Variants in PRMT2 observed in about 807,000 individuals in gnomAD.
The protein encoded by PRMT2 is protein arginine N-methyltransferase 2.
In PRMT2, 26 loss-of-function variants were observed where a neutral mutation model predicts 57.6. The ratio of observed to expected loss-of-function variants is 0.45; its 90% CI spans 0.33 to 0.63. The LOEUF is 0.63. PRMT2 is among the 20% of genes least tolerant of loss of function. The pLI is 0.02. For synonymous variants in PRMT2, 219 were observed against 220.0 expected, an observed-to-expected ratio of 1.00 and a Z score of 0.04; for missense variants, 472 against 564.4, an observed-to-expected ratio of 0.84 and a Z score of 1.66.
In PRMT2 at chr21:46,664,429, G is replaced by C; in HGVS notation, c.*102G>C. 2.1e-6 allele frequency: 3 copies of C among 1,440,788 alleles called. No individual in the cohort carries two copies. The highest frequency in any genetic ancestry group is 2.9e-6 in the Non-Finnish European group (3 of 1,028,120). 89.3% of individuals were successfully genotyped at this position (1,440,788 alleles called of 1,614,324 possible). A position where few individuals can be genotyped will look rare whatever the true frequency, so the allele number is the denominator to read the frequency against. ...CTTCTGCACACTCCTGCGAAAGTCGGTGAACATTCACTCCACATTGACCCC... is the reference window on the plus strand; with the variant it reads ...CTTCTGCACACTCCTGCGAAAGTCGCTGAACATTCACTCCACATTGACCCC... On this transcript the variant is annotated 3_prime_UTR_variant, in exon 12 of 12. Coordinates refer to ENST00000355680, the MANE Select transcript of PRMT2 (RefSeq NM_206962.4).
intron 7 of PRMT2, chr21:46,654,165 G>T: frequency 1.0e-6 from 1 of 978,016 alleles, no homozygotes; most frequent in Non-Finnish European, 1.2e-6. Flanking sequence ...AATCAAATTT[G>T]TACAGAAATT....
intron 3 of PRMT2, among the ~76,000 whole-genome samples, chr21:46,638,567 C>T (rs984995521): frequency 3.3e-5 from 5 of 152,196 alleles, no homozygotes; most frequent in African/African-American, 4.8e-5. Context: ...AATGACTTTA[C>T]GAGTTCACAG....
In PRMT2 at chr21:46,649,714, C is replaced by T; in HGVS notation, c.629C>T (p.Ser210Phe). The T allele has an allele frequency of 2.5e-6, 4 of 1,613,742 alleles. No individual in the cohort carries two copies. The highest frequency in any genetic ancestry group is 3.4e-6 in the Non-Finnish European group (4 of 1,179,924). The change falls in exon 7 of 12, where the codon TCT becomes TTT. Residue 210 changes from serine (S) to phenylalanine (F), a missense_variant. Physicochemically the swap from Ser to Phe is radical, Grantham distance 155 (BLOSUM62 -2). Coordinates refer to ENST00000355680, the MANE Select transcript of PRMT2 (RefSeq NM_206962.4). The surrounding 1 kb of genome is among the most constrained non-coding windows in gnomAD (Gnocchi z 4.8). ...VLPEKVDVLV[S>F]EWMGTCLLFE... ...CCCGAGAAGGTGGACGTGCTGGTGTCTGAGTGGATGGGGACCTGCCTGCTG... is the reference window on the plus strand; with the variant it reads ...CCCGAGAAGGTGGACGTGCTGGTGTTTGAGTGGATGGGGACCTGCCTGCTG...
At chr21:46,651,453 C>T (rs1029225058) in intron 7 of PRMT2, among the ~76,000 whole-genome samples, 4 of 151,630 alleles carry the variant, frequency 2.6e-5, no homozygotes, top group African/African-American at 9.7e-5. Context: ...CCTGGGGTCT[C>T]GGTGGGCGAT....
At chr21:46,660,665 A>G (rs1424528963) in intron 8 of PRMT2, among the ~76,000 whole-genome samples, 168 bp from the exon 9 acceptor site, 2 of 152,128 alleles carry the variant, frequency 1.3e-5, no homozygotes, top group African/African-American at 4.8e-5. Context: ...GGAGGCACCC[A>G]GGGCCTGTGG....
intron 3 of PRMT2, among the ~76,000 whole-genome samples, chr21:46,639,935 TTC>T (rs2061242426): frequency 6.6e-6 from 1 of 152,204 alleles, no homozygotes; most frequent in Non-Finnish European, 1.5e-5. Flanking sequence ...TTTGTCACAT[TTC>T]TTTTTCCTGC....
At chr21:46,659,970 A>G in intron 8 of PRMT2, 1 of 983,664 alleles carries the variant, frequency 1.0e-6, no homozygotes, top group Non-Finnish European at 1.2e-6. Flanking sequence ...TTATATAAAT[A>G]TGTCTGGGGG....
Position 46,644,300 on chromosome 21 carries a change from T to C in PRMT2, c.145-6T>C, listed in dbSNP as rs753597694. On this transcript the variant is annotated splice_polypyrimidine_tract_variant and splice_region_variant and intron_variant, in intron 4 of 11. Transcript: ENST00000355680. ...TCTTATTGAATTTTAACTTTTTTTT[T>C]TCCAGCTCAGTTTTTTGAGAGGAGA... The C allele has an allele frequency of 1.2e-6, 2 of 1,600,948 alleles. No individual in the cohort carries two copies. Among genetic ancestry groups the C allele is most frequent in the African/African-American group, 2.7e-5 (2 of 73,852 alleles).
intron 11 of PRMT2, 70 bp from the exon 12 acceptor site, chr21:46,664,225 A>G (rs2061670914): frequency 3.0e-6 from 4 of 1,346,468 alleles, no homozygotes; most frequent in East Asian, 2.3e-5. Context: ...ATATTAAACC[A>G]TTAGGAAATG....
intron 7 of PRMT2, among the ~76,000 whole-genome samples, chr21:46,650,584 G>A (rs934923117): frequency 5.3e-5 from 8 of 152,172 alleles, no homozygotes; most frequent in Admixed American, 3.3e-4. Context: ...CAGGAGAAAC[G>A]GGCTCCACTC....
rs2061401938 is a variant in PRMT2, at chr21:46,648,649, G to A, written c.489+30G>A. 1 of 1,604,214 alleles carries A rather than the reference G, an allele frequency of 6.2e-7. No individual in the cohort carries two copies. Among genetic ancestry groups the A allele is most frequent in the Non-Finnish European group, 8.5e-7 (1 of 1,172,320 alleles). On this transcript the variant is annotated intron_variant, in intron 6 of 11. Transcript: ENST00000355680. This position sits in a 1 kb window ranked among gnomAD's most constrained non-coding sequence, Gnocchi z 4.8. ...GTGGGGTCTCGAGCGCATCCCGGGT[G>A]TTTGTGCCGAGGCTGGTGACGTCCG...
chr21:46,647,749 G>T (rs144153324), intron 5 of PRMT2, among the ~76,000 whole-genome samples: 2 of 152,102 alleles, frequency 1.3e-5, no homozygotes, highest in Non-Finnish European at 2.9e-5. Flanking sequence ...GTAAAATTCC[G>T]CCCTAATGTA....
At chr21:46,651,953 A>C (rs2061464417) in intron 7 of PRMT2, 12 of 1,613,014 alleles carry the variant, frequency 7.4e-6, no homozygotes, top group Non-Finnish European at 1.0e-5. Context: ...GCCTGTTCTC[A>C]GAGCCCCTCA....
chr21:46,652,884 CGAT>C (rs754787198), intron 7 of PRMT2: 8 of 1,302,626 alleles, frequency 6.1e-6, no homozygotes, highest in African/African-American at 1.5e-5. Context: ...GGCCACGCCA[CGAT>C]TTCCGAGAAG....
chr21:46,654,840 A>G, intron 7 of PRMT2: 7 of 954,244 alleles, frequency 7.3e-6, no homozygotes, highest in Non-Finnish European at 8.7e-6. Context: ...TCCTGGAACA[A>G]GTTCCCCATA....
Position 46,648,266 on chromosome 21 carries a change from G to C in PRMT2, c.328-192G>C, listed in dbSNP as rs2061394864. The C allele has an allele frequency of 7.2e-6, 4 of 557,328 alleles. No homozygotes were observed. In the Admixed American group the frequency reaches 9.0e-5, roughly 13 times the overall value. The allele number at this position is 557,328 out of a possible 1,614,324, so 34.5% of individuals were successfully genotyped here. The stretch of plus-strand genomic sequence containing the variant: ...TTTTGTGTATTATTACTGTTATAAG[G>C]GGGTGGGTGAAGTGTTCTCTAAATA... On this transcript the variant is annotated intron_variant, in intron 5 of 11. Transcript: ENST00000355680. The surrounding 1 kb of genome is among the most constrained non-coding windows in gnomAD (Gnocchi z 4.8).
chr21:46,640,929 G>T (rs1427744410), intron 3 of PRMT2, among the ~76,000 whole-genome samples: 10 of 151,420 alleles, frequency 6.6e-5, no homozygotes, highest in Admixed American at 6.6e-4. Context: ...TCATAAACAA[G>T]ATAACTGGGA....
rs763746206 is a variant in PRMT2 at position 46,652,574 on chromosome 21, T to C, written c.654+2835T>C. 2,360 of 985,458 alleles carry C rather than the reference T, an allele frequency of 2.4e-3. 6 individuals carry two copies. Among genetic ancestry groups the C allele is most frequent in the Non-Finnish European group, 2.6e-3 (2,183 of 829,934 alleles). The allele number at this position is 985,458 out of a possible 1,614,324, so 61.0% of individuals were successfully genotyped here. A position where few individuals can be genotyped will look rare whatever the true frequency, so the allele number is the denominator to read the frequency against. ...CTGGGAAGTTGGCTGAGCAATCCTC[T>C]AATATCTGATGCTCCCGATGCTGAG... On this transcript the variant is annotated intron_variant, in intron 7 of 11. Transcript: ENST00000355680.
At chr21:46,636,622 C>G (rs958048090) in intron 2 of PRMT2, 75 bp downstream of exon 2, 1 of 298,268 alleles carries the variant, frequency 3.4e-6, no homozygotes, top group African/African-American at 2.2e-5. Context: ...TGCCTTAAGT[C>G]GACACCTGAT....
Sources: gnomAD v4.1 joint callset for allele counts (sites outside exome capture counted in the v4.1 genomes callset) on GRCh38, gnomAD v4.1.1 for gene constraint, Gnocchi (gnomAD v3.1) non-coding constraint, MANE v1.5 for transcripts, NCBI Gene and HGNC (gene_info 2026-07-23, HGNC 2026-07-21) for gene names.